NCKAP5: variants seen among roughly 807,000 people sequenced by gnomAD.
NCKAP5 encodes NCK associated protein 5, also known as nck-associated protein 5.
A neutral mutation model predicts 167.0 loss-of-function variants in NCKAP5; 92 were observed. The observed-to-expected ratio is 0.55, with a 90% CI of 0.47 to 0.66. The LOEUF (loss-of-function observed/expected upper bound fraction) is 0.66, where lower values mean the gene tolerates loss of function less well. Ranked by LOEUF, NCKAP5 falls within the 30% of genes least tolerant of loss-of-function variation. The pLI is 0.00. For synonymous variants in NCKAP5, 891 were observed against 877.4 expected (o/e 1.02, Z -0.27); for missense variants, 2,378 against 2,315.0 (o/e 1.03, Z -0.56).
At chr2:132,826,453 T>G (rs1013932704) in intron 11 of NCKAP5, among the ~76,000 whole-genome samples, 2 of 152,196 alleles carry the variant, frequency 1.3e-5, no homozygotes, top group Admixed American at 6.5e-5. Flanking sequence ...GAACCATTAT[T>G]TAATTCCCCA....
chr2:132,721,880 G>A (rs1461658023), intron 19 of NCKAP5, among the ~76,000 whole-genome samples: 1 of 152,142 alleles, frequency 6.6e-6, no homozygotes, highest in South Asian at 2.1e-4. Context: ...CTGTCTTGCT[G>A]TTTGTGCTGC....
intron 19 of NCKAP5, among the ~76,000 whole-genome samples, chr2:132,718,566 A>G (rs1382788969): frequency 6.6e-6 from 1 of 152,188 alleles, no homozygotes; most frequent in African/African-American, 2.4e-5. Context: ...TGAAGAGTAA[A>G]CTAAAAGTCT....
At chr2:133,423,782 A>G (rs2151099956) in intron 3 of NCKAP5, among the ~76,000 whole-genome samples, 1 of 152,360 alleles carries the variant, frequency 6.6e-6, no homozygotes, top group Admixed American at 6.5e-5. Flanking sequence ...TACAACTAAC[A>G]TTTCCAGAAG....
chr2:133,225,583 G>A (rs1178933586), intron 4 of NCKAP5, among the ~76,000 whole-genome samples: 2 of 151,998 alleles, frequency 1.3e-5, no homozygotes, highest in Admixed American at 6.6e-5. Context: ...ACACACACGA[G>A]GGTGAGTTCA....
intron 6 of NCKAP5, among the ~76,000 whole-genome samples, chr2:133,030,113 C>T (rs2078833486): frequency 6.6e-6 from 1 of 152,080 alleles, no homozygotes; most frequent in East Asian, 1.9e-4. Flanking sequence ...GTAGAAATGC[C>T]GTCACTGGTA....
At chr2:133,570,915 C>T (rs1688842299), upstream of NCKAP5, among the ~76,000 whole-genome samples, 1 of 152,100 alleles carries the variant, frequency 6.6e-6, no homozygotes, top group African/African-American at 2.4e-5. Context: ...TGGCACAAAA[C>T]CCAGCCCTGC....
intron 19 of NCKAP5, among the ~76,000 whole-genome samples, chr2:132,721,741 C>T (rs1276213385): frequency 6.6e-6 from 1 of 152,238 alleles, no homozygotes; most frequent in African/African-American, 2.4e-5. Flanking sequence ...CTGCATAGAA[C>T]ATTTTCCCTT....
In NCKAP5 at chr2:133,065,516, T is replaced by C. The variant is rs1444875886; in HGVS notation, c.341+64462A>G. Among the ~76,000 whole-genome samples, 5 of 152,284 alleles carry C rather than the reference T, an allele frequency of 3.3e-5. No homozygotes were observed. In the East Asian group the frequency reaches 9.7e-4, roughly 29 times the overall value. On this transcript the variant is annotated intron_variant, in intron 6 of 19. Transcript: ENST00000409261. ...GGCGCGTGCCTGTAGTCCCAGCTACTTGGGAGGCTGAGGCAGGAGAATTGC... is the reference window on the plus strand; with the variant it reads ...GGCGCGTGCCTGTAGTCCCAGCTACCTGGGAGGCTGAGGCAGGAGAATTGC...
the NCKAP5 span, among the ~76,000 whole-genome samples, chr2:133,634,531 T>C: frequency 6.6e-6 from 1 of 152,254 alleles, no homozygotes; most frequent in African/African-American, 2.4e-5. Flanking sequence ...CTTGTTGCTA[T>C]GTTGCATTCC....
At chr2:133,297,597 T>C (rs1680060231) in intron 4 of NCKAP5, among the ~76,000 whole-genome samples, 2 of 152,180 alleles carry the variant, frequency 1.3e-5, no homozygotes, top group Admixed American at 1.3e-4. Flanking sequence ...GCCCCCTCCA[T>C]GGAGGAAAGG....
intron 6 of NCKAP5, among the ~76,000 whole-genome samples, chr2:133,040,992 G>A (rs1330929014): frequency 6.6e-6 from 1 of 152,134 alleles, no homozygotes; most frequent in African/African-American, 2.4e-5. Flanking sequence ...AAAGAGGTTC[G>A]GAATGGCCTG....
At chr2:132,692,562 C>T (rs1686866578) in intron 19 of NCKAP5, among the ~76,000 whole-genome samples, 1 of 151,910 alleles carries the variant, frequency 6.6e-6, no homozygotes, top group Admixed American at 6.6e-5. Context: ...TCCACAATAC[C>T]TACAATGTTG....
intron 16 of NCKAP5, among the ~76,000 whole-genome samples, chr2:132,736,223 A>G (rs531637324): frequency 1.3e-5 from 2 of 152,352 alleles, no homozygotes; most frequent in East Asian, 3.9e-4. Flanking sequence ...CAGAATACAT[A>G]AACCTTTGGA....
Position 132,672,928 on chromosome 2 carries a change from G to T in NCKAP5, c.*361C>A. The T allele has an allele frequency of 1.0e-6, 1 of 963,958 alleles. No individual in the cohort carries two copies. The highest frequency in any genetic ancestry group is 1.2e-6 in the Non-Finnish European group (1 of 814,108). 59.7% of individuals were successfully genotyped at this position (963,958 alleles called of 1,614,324 possible). A position where few individuals can be genotyped will look rare whatever the true frequency, so the allele number is the denominator to read the frequency against. On this transcript the variant is annotated 3_prime_UTR_variant, in exon 20 of 20. Coordinates refer to ENST00000409261, the MANE Select transcript of NCKAP5 (RefSeq NM_207363.3). ...CAAGGAAGGCTCTGGTACTGCAATAGTTTATTGTTATCTCTATCAAGCGGT... is the reference window on the plus strand; with the variant it reads ...CAAGGAAGGCTCTGGTACTGCAATATTTTATTGTTATCTCTATCAAGCGGT...
At chr2:133,223,210 C>A (rs561669434) in intron 4 of NCKAP5, among the ~76,000 whole-genome samples, 1 of 152,172 alleles carries the variant, frequency 6.6e-6, no homozygotes, top group Non-Finnish European at 1.5e-5. Context: ...TAGATGATTA[C>A]TCTCATTTAT....
chr2:132,775,898 T>C (rs1396849843), intron 15 of NCKAP5, among the ~76,000 whole-genome samples: 2 of 152,232 alleles, frequency 1.3e-5, no homozygotes, highest in Non-Finnish European at 2.9e-5. Context: ...AATTTATACA[T>C]TTTAAACTCG....
At chr2:133,578,418 G>A in the NCKAP5 span, among the ~76,000 whole-genome samples, 1 of 152,248 alleles carries the variant, frequency 6.6e-6, no homozygotes, top group East Asian at 1.9e-4. Context: ...GGAAGACGCA[G>A]ACATGCACTG....
Position 133,426,664 on chromosome 2 carries a change from C to T in NCKAP5, c.69+90794G>A, listed in dbSNP as rs942794129. On this transcript the variant is annotated intron_variant, in intron 3 of 19. Transcript: ENST00000409261. ...CCAAGCAGGATTTATCCCAGGGATG[C>T]AAAAATGGTTCTAACGATCATACCT... Among the ~76,000 whole-genome samples the T allele has an allele frequency of 2.0e-5, 3 of 152,118 alleles. No homozygotes were observed. In the East Asian group the frequency reaches 5.8e-4, roughly 29 times the overall value.
In NCKAP5 at chr2:132,686,693, C is replaced by A. The variant is rs114474528; in HGVS notation, c.5714-13388G>T. The stretch of plus-strand genomic sequence containing the variant: ...TAATGCCCTTTAATGTCCTTGAAAG[C>A]GATTGAATTCCTAAGACAAGCTGCC... On this transcript the variant is annotated intron_variant, in intron 19 of 19. Transcript: ENST00000409261. 2.0e-5 allele frequency among the ~76,000 whole-genome samples: 3 copies of A among 152,242 alleles called. No homozygotes were observed. In the South Asian group the frequency reaches 6.2e-4, roughly 32 times the overall value.
Sources: gnomAD v4.1 joint callset for allele counts (sites outside exome capture counted in the v4.1 genomes callset) on GRCh38, gnomAD v4.1.1 for gene constraint, MANE v1.5 for transcripts, NCBI Gene and HGNC (gene_info 2026-07-23, HGNC 2026-07-21) for gene names.